The following TTC27 variants were observed in gnomAD, a reference collection of about 807,000 sequenced individuals.
TTC27 encodes the protein tetratricopeptide repeat domain 27.
TTC27 carries 79 observed loss-of-function variants against 115.9 expected under a neutral mutation model. That is an observed-to-expected ratio of 0.68 (90% CI 0.57 to 0.82). The LOEUF (loss-of-function observed/expected upper bound fraction) is 0.82. Among genes scored for constraint, TTC27 ranks in the 40% least tolerant of loss-of-function variants. The pLI is 0.00. For missense variants in TTC27, 1,054 were observed against 993.1 expected (o/e 1.06, Z -0.82); for synonymous variants, 401 against 356.0 (o/e 1.13, Z -1.42).
intron 13 of TTC27, among the ~76,000 whole-genome samples, chr2:32,774,001 A>C (rs150298367): frequency 5.1e-4 from 78 of 152,338 alleles, no homozygotes; most frequent in African/African-American, 1.8e-3. Flanking sequence ...TTGAATTCAC[A>C]TCAAATTTCA....
intron 3 of TTC27, among the ~76,000 whole-genome samples, chr2:32,638,668 G>A (rs142058651): frequency 1.5e-3 from 223 of 152,266 alleles, no homozygotes; most frequent in African/African-American, 5.2e-3. Context: ...ATGAGCCACT[G>A]TGCCCGGCCC....
intron 16 of TTC27, 135 bp downstream of exon 16, chr2:32,787,284 C>A: frequency 1.1e-6 from 1 of 939,930 alleles, no homozygotes; most frequent in Non-Finnish European, 1.5e-6. Flanking sequence ...GTATTTTTTT[C>A]TAGTCAAATA....
At chr2:32,775,666 C>A (rs573017195) in intron 13 of TTC27, among the ~76,000 whole-genome samples, 1 of 152,064 alleles carries the variant, frequency 6.6e-6, no homozygotes, top group East Asian at 1.9e-4. Context: ...TATCATAATT[C>A]TTTGTATCTA....
intron 9 of TTC27, among the ~76,000 whole-genome samples, chr2:32,680,248 G>A (rs1046480819): frequency 3.3e-5 from 5 of 152,068 alleles, no homozygotes; most frequent in African/African-American, 7.2e-5. Flanking sequence ...AGGAATTGAC[G>A]AAGTGTTAAC....
intron 10 of TTC27, among the ~76,000 whole-genome samples, chr2:32,715,348 GT>G (rs1303336168): frequency 6.6e-6 from 1 of 152,142 alleles, no homozygotes; most frequent in Admixed American, 6.5e-5. Context: ...CCCATTGTTT[GT>G]TTTTGTCAAC....
intron 18 of TTC27, among the ~76,000 whole-genome samples, chr2:32,816,702 C>T (rs541926909): frequency 2.0e-5 from 3 of 152,246 alleles, no homozygotes; most frequent in Non-Finnish European, 2.9e-5. Context: ...GTTGTGGTCG[C>T]GTTCTCTACA....
intron 5 of TTC27, among the ~76,000 whole-genome samples, chr2:32,660,005 A>G (rs1044223921): frequency 2.6e-5 from 4 of 152,118 alleles, no homozygotes; most frequent in Non-Finnish European, 5.9e-5. Flanking sequence ...TAGCAGAATG[A>G]TTTATAATCC....
At chr2:32,796,945 G>A (rs1670722210) in intron 16 of TTC27, among the ~76,000 whole-genome samples, 1 of 151,744 alleles carries the variant, frequency 6.6e-6, no homozygotes, top group Non-Finnish European at 1.5e-5. Flanking sequence ...GGATGAGGTG[G>A]GCAGATCACC....
At chr2:32,728,757 G>A (rs1668196398) in intron 10 of TTC27, among the ~76,000 whole-genome samples, 1 of 152,120 alleles carries the variant, frequency 6.6e-6, no homozygotes, top group African/African-American at 2.4e-5. Flanking sequence ...AGGAAAGACT[G>A]GGTTCACAAT....
intron 14 of TTC27, among the ~76,000 whole-genome samples, chr2:32,780,397 T>A (rs1670134609): frequency 6.6e-6 from 1 of 152,156 alleles, no homozygotes; most frequent in Non-Finnish European, 1.5e-5. Flanking sequence ...CCAAAGTGTT[T>A]TATCCTTTTT....
chr2:32,761,381 T>C (rs1485428959), intron 13 of TTC27, among the ~76,000 whole-genome samples: 6 of 152,216 alleles, frequency 3.9e-5, no homozygotes, highest in African/African-American at 1.4e-4. Flanking sequence ...TACCTCCTTA[T>C]TGGTCTTCCT....
intron 10 of TTC27, among the ~76,000 whole-genome samples, chr2:32,720,514 A>T (rs77875279): frequency 2.0e-5 from 3 of 152,170 alleles, no homozygotes; most frequent in Admixed American, 6.5e-5. Flanking sequence ...ACAAGCCCCA[A>T]TGCCAAAGCT....
chr2:32,706,432 A>T (rs1173534418), intron 10 of TTC27, among the ~76,000 whole-genome samples: 1 of 151,942 alleles, frequency 6.6e-6, no homozygotes, highest in Non-Finnish European at 1.5e-5. Flanking sequence ...CCATTTGAAT[A>T]AGTATTAATC....
At chr2:32,772,830 A>C (rs1669873720) in intron 13 of TTC27, among the ~76,000 whole-genome samples, 1 of 152,192 alleles carries the variant, frequency 6.6e-6, no homozygotes, top group African/African-American at 2.4e-5. Context: ...CTTCGAACCC[A>C]GTCCCCTCTG....
At chr2:32,732,883 G>A (rs751535988) in intron 10 of TTC27, among the ~76,000 whole-genome samples, 30 of 152,162 alleles carry the variant, frequency 2.0e-4, no homozygotes, top group Non-Finnish European at 3.2e-4. Context: ...GAAAATTTGA[G>A]TACTGCATTG....
At chr2:32,642,542 C>T (rs933885033) in intron 4 of TTC27, among the ~76,000 whole-genome samples, 7 of 152,054 alleles carry the variant, frequency 4.6e-5, no homozygotes, top group African/African-American at 9.7e-5. Context: ...CATGAGCCAC[C>T]GCACCTGGCC....
At chr2:32,746,363 A>T (rs62133899) in intron 12 of TTC27, among the ~76,000 whole-genome samples, 12,864 of 151,804 alleles carry the variant, frequency 0.085, 737 homozygotes, top group Admixed American at 0.18. Flanking sequence ...GGAGTTTGAA[A>T]CCAGCCTGGC....
chr2:32,754,869 G>T (rs182786224), intron 12 of TTC27, among the ~76,000 whole-genome samples: 2,438 of 148,502 alleles, frequency 0.016, 137 homozygotes, highest in Admixed American at 0.12. Flanking sequence ...TGGCCAGGCG[G>T]GGGGGCTGAC....
intron 16 of TTC27, among the ~76,000 whole-genome samples, chr2:32,790,749 C>G (rs1425856053): frequency 6.6e-6 from 1 of 150,958 alleles, no homozygotes; most frequent in Non-Finnish European, 1.5e-5. Context: ...ACGCTAGTGA[C>G]CATCATTCCT....
Sources: gnomAD v4.1 joint callset for allele counts (sites outside exome capture counted in the v4.1 genomes callset) on GRCh38, gnomAD v4.1.1 for gene constraint, MANE v1.5 for transcripts, NCBI Gene and HGNC (gene_info 2026-07-23, HGNC 2026-07-21) for gene names.